Variants in CEPT1 observed in about 807,000 individuals in gnomAD.
CEPT1 encodes the protein choline/ethanolamine phosphotransferase 1.
A neutral mutation model predicts 42.6 loss-of-function variants in CEPT1; 7 were observed. The ratio of observed to expected loss-of-function variants is 0.16; its 90% confidence interval spans 0.09 to 0.31. The LOEUF is 0.31. Among genes scored for constraint, CEPT1 ranks in the 10% least tolerant of loss-of-function variants. The pLI is 1.00. For synonymous variants in CEPT1, 171 were observed against 171.9 expected, an observed-to-expected ratio of 0.99 and a Z score of 0.04; for missense variants, 306 against 502.1, an observed-to-expected ratio of 0.61 and a Z score of 3.73.
chr1:111,166,254 T>TA (rs1209506089), intron 4 of CEPT1, among the ~76,000 whole-genome samples: 3 of 152,232 alleles, frequency 2.0e-5, no homozygotes, highest in Non-Finnish European at 4.4e-5. Context: ...CATGGACATC[T>TA]ATCTATCTCA....
chr1:111,147,695 A>T lies in CEPT1; in HGVS notation c.-20A>T. 2 of 1,551,172 alleles carry T rather than the reference A, an allele frequency of 1.3e-6. No homozygotes were observed. Among genetic ancestry groups the T allele is most frequent in the Non-Finnish European group, 1.7e-6 (2 of 1,143,912 alleles). ...AGAAGGGAAATTACTGTCTTTAAAT[A>T]TTAAAAAAAAACAAGATCCATGAGT... On this transcript the variant is annotated 5_prime_UTR_variant, in exon 2 of 9. Coordinates refer to ENST00000357172, the MANE Select transcript of CEPT1 (RefSeq NM_006090.5).
rs1355727554 is a variant in CEPT1, at chr1:111,148,050, G to A, written c.336G>A (p.Glu112=). 1 of 1,611,294 alleles carries A rather than the reference G, an allele frequency of 6.2e-7. No homozygotes were observed. Among genetic ancestry groups the A allele is most frequent in the Non-Finnish European group, 8.5e-7 (1 of 1,177,638 alleles). The change falls in exon 2 of 9, where the codon GAG becomes GAA. Residue 112 remains glutamate, a synonymous_variant. Coordinates refer to ENST00000357172, the MANE Select transcript of CEPT1 (RefSeq NM_006090.5). ...LLVFYCPTAT[E]QAPLWAYIAC... ...TCTTCTACTGCCCTACAGCTACAGA[G>A]CAGGTAAGAGTTTCTTAACAGATCT...
intron 1 of CEPT1, among the ~76,000 whole-genome samples, chr1:111,145,558 A>G (rs1391269961): frequency 6.6e-6 from 1 of 152,226 alleles, no homozygotes; most frequent in African/African-American, 2.4e-5. Flanking sequence ...TCACATGTCC[A>G]TACCAGGCTG....
At position 111,182,842 on chromosome 1, in the gene CEPT1, TTAC is replaced by T; in HGVS notation, c.891_893del (p.Thr298del). On this transcript the variant is annotated inframe_deletion, in exon 7 of 9. Coordinates refer to ENST00000357172, the MANE Select transcript of CEPT1 (RefSeq NM_006090.5). ...CCTTTTCTCCATATTGGATCAGTGA[TTAC>T]ATTAGCTGCAATGATCTACAAGAAA... is the stretch of plus-strand genomic sequence containing the variant. 6.2e-7 allele frequency: 1 copy of T among 1,613,586 alleles called. No homozygotes were observed. Among genetic ancestry groups the T allele is most frequent in the Non-Finnish European group, 8.5e-7 (1 of 1,179,554 alleles).
At chr1:111,143,685 A>G (rs1419899355) in intron 1 of CEPT1, 1 of 151,902 alleles carries the variant, frequency 6.6e-6, no homozygotes, top group East Asian at 1.9e-4. Context: ...CCTTTTGGTC[A>G]TAGGCCTGAT....
chr1:111,153,876 G>T (rs1036549004), intron 2 of CEPT1, among the ~76,000 whole-genome samples: 6 of 152,118 alleles, frequency 3.9e-5, no homozygotes, highest in Non-Finnish European at 1.5e-5. Flanking sequence ...GTATTTTGAA[G>T]TCAGGTAGTG....
At chr1:111,144,183 G>C (rs888959820) in intron 1 of CEPT1, among the ~76,000 whole-genome samples, 1 of 152,180 alleles carries the variant, frequency 6.6e-6, no homozygotes, top group African/African-American at 2.4e-5. Context: ...CTAAAATTCA[G>C]AAGTTCCTGT....
At chr1:111,172,590 A>C (rs1656475243) in intron 4 of CEPT1, among the ~76,000 whole-genome samples, 1 of 152,216 alleles carries the variant, frequency 6.6e-6, no homozygotes. Context: ...CTGTCTTCTA[A>C]ACAAAATCAT....
At chr1:111,149,841 G>T (rs1557923393) in intron 2 of CEPT1, among the ~76,000 whole-genome samples, 1 of 152,180 alleles carries the variant, frequency 6.6e-6, no homozygotes, top group East Asian at 1.9e-4. Context: ...GTGAGAGCAG[G>T]TTCAAGGATA....
chr1:111,172,711 G>A (rs187121191), intron 4 of CEPT1, among the ~76,000 whole-genome samples: 4 of 152,270 alleles, frequency 2.6e-5, no homozygotes, highest in African/African-American at 7.2e-5. Context: ...GTAAAGATTA[G>A]AACCACACTT....
chr1:111,160,081 A>C (rs188669250), intron 3 of CEPT1: 1 of 152,258 alleles, frequency 6.6e-6, no homozygotes, highest in African/African-American at 2.4e-5. Context: ...TTGCTTAACT[A>C]TAGTAATCAT....
chr1:111,159,000 G>A (rs1389793372), intron 2 of CEPT1, among the ~76,000 whole-genome samples: 4 of 123,442 alleles, frequency 3.2e-5, no homozygotes, highest in African/African-American at 9.4e-5. Flanking sequence ...TGCAAGCTCC[G>A]CCTCCCGGGT....
chr1:111,144,140 C>T (rs923213113), intron 1 of CEPT1, among the ~76,000 whole-genome samples: 18 of 152,300 alleles, frequency 1.2e-4, no homozygotes, highest in African/African-American at 3.6e-4. Flanking sequence ...CTACCCTATG[C>T]GGCTCCATTG....
intron 2 of CEPT1, among the ~76,000 whole-genome samples, chr1:111,158,910 T>TG (rs1655720206): frequency 8.4e-6 from 1 of 118,386 alleles, no homozygotes; most frequent in Admixed American, 8.0e-5. Flanking sequence ...TTCTTTTTTT[T>TG]TTTTTTTTTT....
chr1:111,172,029 C>T (rs1369503831), intron 4 of CEPT1, among the ~76,000 whole-genome samples: 9 of 152,208 alleles, frequency 5.9e-5, no homozygotes, highest in Admixed American at 1.3e-4. Flanking sequence ...TGAGCCACCA[C>T]GCCCAGCCAG....
At chr1:111,143,690 C>T (rs991906193) in intron 1 of CEPT1, 10 of 151,958 alleles carry the variant, frequency 6.6e-5, no homozygotes, top group Admixed American at 2.0e-4. Context: ...TGGTCATAGG[C>T]CTGATTCCAT....
intron 4 of CEPT1, among the ~76,000 whole-genome samples, chr1:111,174,112 CT>C (rs2101374521): frequency 6.6e-6 from 1 of 152,122 alleles, no homozygotes; most frequent in African/African-American, 2.4e-5. Flanking sequence ...GTAGAAGGTG[CT>C]AAGTTTACAA....
At chr1:111,174,695 A>C (rs904654929) in intron 4 of CEPT1, among the ~76,000 whole-genome samples, 184 bp from the exon 5 acceptor site, 2 of 152,082 alleles carry the variant, frequency 1.3e-5, no homozygotes, top group Non-Finnish European at 2.9e-5. Context: ...TTAAATTAAA[A>C]GGCTTTGGAT....
intron 1 of CEPT1, among the ~76,000 whole-genome samples, chr1:111,140,795 G>A (rs78694489): frequency 6.6e-6 from 1 of 152,196 alleles, no homozygotes; most frequent in Non-Finnish European, 1.5e-5. Flanking sequence ...GATGTTTGTG[G>A]CTGGGACGCG....
Sources: allele counts gnomAD v4.1 joint callset (sites outside exome capture counted in the v4.1 genomes callset), GRCh38; gene constraint gnomAD v4.1.1; transcripts MANE v1.5; gene names NCBI Gene and HGNC (gene_info 2026-07-23, HGNC 2026-07-21).